SEMA6D: variants seen among roughly 807,000 people sequenced by gnomAD.
The protein encoded by SEMA6D is semaphorin-6D.
Under a neutral mutation model 106.6 loss-of-function variants are expected in SEMA6D, and 35 were observed. The observed-to-expected ratio is 0.33, with a 90% CI of 0.25 to 0.44. The LOEUF is 0.44. Ranked by LOEUF, SEMA6D falls within the 20% of genes least tolerant of loss-of-function variation. The pLI is 1.00. For missense variants in SEMA6D, 1,185 were observed against 1,345.9 expected (o/e 0.88, Z 1.87); for synonymous variants, 499 against 487.7 (o/e 1.02, Z -0.31).
intron 2 of SEMA6D, among the ~76,000 whole-genome samples, chr15:47,431,936 G>A (rs2041542374): frequency 2.0e-5 from 3 of 151,980 alleles, no homozygotes; most frequent in Admixed American, 2.0e-4. Flanking sequence ...TGCATTCATT[G>A]AGACAACCTG....
intron 3 of SEMA6D, among the ~76,000 whole-genome samples, chr15:47,539,969 G>T (rs1178693836): frequency 6.6e-6 from 1 of 152,070 alleles, no homozygotes; most frequent in African/African-American, 2.4e-5. Flanking sequence ...GCATTAGAAT[G>T]CACTTTGAAG....
rs1469573784 is a variant in SEMA6D at position 47,744,126 on chromosome 15, C to T, written c.-54-15619C>T. The stretch of plus-strand genomic sequence containing the variant: ...AAAGATAAAGTAGAGAACAGACAGA[C>T]ATGACTTCTGTTCTCCTGAAGCTGA... On this transcript the variant is annotated intron_variant, in intron 1 of 18. Transcript: ENST00000536845. 1.1e-4 allele frequency among the ~76,000 whole-genome samples: 17 copies of T among 152,186 alleles called. 1 individual carries two copies. The highest frequency in any genetic ancestry group is 1.1e-3 in the Admixed American group (17 of 15,278).
chr15:47,385,088 G>A (rs183954364), intron 1 of SEMA6D, among the ~76,000 whole-genome samples: 23 of 134,612 alleles, frequency 1.7e-4, no homozygotes, highest in Middle Eastern at 4.8e-3. Context: ...ATAAGGCAGC[G>A]TTCTGACTCA....
At chr15:47,501,849 G>A (rs1418930647) in intron 3 of SEMA6D, among the ~76,000 whole-genome samples, 1 of 144,630 alleles carries the variant, frequency 6.9e-6, no homozygotes, top group Non-Finnish European at 1.5e-5. Flanking sequence ...GGCTGGAGGA[G>A]ATTTTTGGTT....
chr15:47,522,840 A>G (rs2044633335), intron 3 of SEMA6D, among the ~76,000 whole-genome samples: 1 of 152,190 alleles, frequency 6.6e-6, no homozygotes, highest in African/African-American at 2.4e-5. Context: ...GAATTTAATG[A>G]GTGGAGCTTT....
At chr15:47,644,809 A>G (rs1019268014) in intron 4 of SEMA6D, among the ~76,000 whole-genome samples, 6 of 152,314 alleles carry the variant, frequency 3.9e-5, no homozygotes, top group African/African-American at 7.2e-5. Flanking sequence ...CCCACATCAA[A>G]TAGTTTATAC....
intron 1 of SEMA6D, among the ~76,000 whole-genome samples, chr15:47,231,322 A>G (rs1359233767): frequency 3.3e-5 from 5 of 151,976 alleles, no homozygotes; most frequent in African/African-American, 1.2e-4. Context: ...CCAGCTTTTC[A>G]TGACCAGCTT....
At chr15:47,754,112 C>A (rs2081588309) in intron 1 of SEMA6D, among the ~76,000 whole-genome samples, 1 of 152,128 alleles carries the variant, frequency 6.6e-6, no homozygotes, top group African/African-American at 2.4e-5. Flanking sequence ...GAACTTGTGG[C>A]CAGATATGAT....
At chr15:47,576,725 T>G (rs1417972203) in intron 3 of SEMA6D, among the ~76,000 whole-genome samples, 1 of 152,222 alleles carries the variant, frequency 6.6e-6, no homozygotes, top group Non-Finnish European at 1.5e-5. Context: ...ACTAGCAGAA[T>G]CCTTCCAGGC....
chr15:47,762,186 A>T lies in SEMA6D; in HGVS notation c.539-14A>T. ...ATTATGGTTATCTTACCAAAATTAT[A>T]CCTTTGGTTTCAGATGGGAAGCTGT... is the stretch of plus-strand genomic sequence containing the variant. On this transcript the variant is annotated splice_polypyrimidine_tract_variant and intron_variant, in intron 7 of 18. Transcript: ENST00000536845. 6.2e-7 allele frequency: 1 copy of T among 1,613,506 alleles called. No individual in the cohort carries two copies. Among genetic ancestry groups the T allele is most frequent in the Non-Finnish European group, 8.5e-7 (1 of 1,179,562 alleles).
At chr15:47,640,894 T>G (rs2077476845) in intron 4 of SEMA6D, among the ~76,000 whole-genome samples, 2 of 151,854 alleles carry the variant, frequency 1.3e-5, no homozygotes, top group Admixed American at 6.6e-5. Context: ...GAACAGAAAG[T>G]GGTAATAATA....
intron 1 of SEMA6D, among the ~76,000 whole-genome samples, chr15:47,729,988 A>T (rs2146633106): frequency 6.6e-6 from 1 of 152,274 alleles, no homozygotes; most frequent in Admixed American, 6.5e-5. Flanking sequence ...GGCGGGAGAG[A>T]GTCTATATGA....
intron 4 of SEMA6D, among the ~76,000 whole-genome samples, chr15:47,673,047 T>G (rs1337321222): frequency 6.6e-6 from 1 of 152,110 alleles, no homozygotes; most frequent in East Asian, 1.9e-4. Context: ...GAGGACCATT[T>G]TCGTGGGTTT....
intron 1 of SEMA6D, among the ~76,000 whole-genome samples, chr15:47,294,092 C>T (rs1220652523): frequency 6.6e-6 from 1 of 151,986 alleles, no homozygotes; most frequent in Non-Finnish European, 1.5e-5. Context: ...AATGTTGGAA[C>T]TGCTTTCTAA....
intron 1 of SEMA6D, among the ~76,000 whole-genome samples, chr15:47,410,197 T>C (rs2040741239): frequency 6.6e-6 from 1 of 152,006 alleles, no homozygotes; most frequent in Non-Finnish European, 1.5e-5. Flanking sequence ...TTGCCCAAGC[T>C]GGTCTTGAAT....
chr15:47,260,793 G>T (rs1324612755), intron 1 of SEMA6D, among the ~76,000 whole-genome samples: 1 of 152,114 alleles, frequency 6.6e-6, no homozygotes, highest in African/African-American at 2.4e-5. Context: ...TGCTTTCCTT[G>T]GACACTTATC....
chr15:47,300,425 C>G (rs975058310), intron 1 of SEMA6D, among the ~76,000 whole-genome samples: 1 of 151,492 alleles, frequency 6.6e-6, no homozygotes, highest in Non-Finnish European at 1.5e-5. Flanking sequence ...AGTGTTGAGT[C>G]CTGGGGGGGT....
intron 4 of SEMA6D, among the ~76,000 whole-genome samples, chr15:47,640,581 A>G (rs969981306): frequency 1.3e-5 from 2 of 152,194 alleles, no homozygotes; most frequent in Non-Finnish European, 2.9e-5. Context: ...GGATCATTAA[A>G]AAGAAAGGTG....
At chr15:47,523,267 A>T (rs1313812308) in intron 3 of SEMA6D, among the ~76,000 whole-genome samples, 1 of 152,094 alleles carries the variant, frequency 6.6e-6, no homozygotes, top group Non-Finnish European at 1.5e-5. Context: ...CTCCCAGTCA[A>T]GTGGAGAGGG....
Sources: allele counts gnomAD v4.1 joint callset (sites outside exome capture counted in the v4.1 genomes callset), GRCh38; gene constraint gnomAD v4.1.1; transcripts MANE v1.5; gene names NCBI Gene and HGNC (gene_info 2026-07-23, HGNC 2026-07-21).